CCDC171: variants seen among roughly 807,000 people sequenced by gnomAD.
The protein encoded by CCDC171 is coiled-coil domain containing 171, also known as coiled-coil domain-containing protein 171.
Under a neutral mutation model 168.2 loss-of-function variants are expected in CCDC171, and 177 were observed. The ratio of observed to expected loss-of-function variants is 1.05; its 90% confidence interval spans 0.93 to 1.19. The LOEUF (loss-of-function observed/expected upper bound fraction) is 1.19. Among genes scored for constraint, CCDC171 ranks in the 50% most tolerant of loss-of-function variants. The pLI, the probability that CCDC171 is intolerant of heterozygous loss-of-function variation, is 0.00. For missense variants in CCDC171, 1,991 were observed against 1,539.0 expected (o/e 1.29, Z -4.91); for synonymous variants, 687 against 540.8 (o/e 1.27, Z -3.75).
chr9:15,640,804 C>T (rs754694426), intron 7 of CCDC171, among the ~76,000 whole-genome samples: 1 of 152,012 alleles, frequency 6.6e-6, no homozygotes, highest in Non-Finnish European at 1.5e-5. Flanking sequence ...GCCTGTTTTA[C>T]AAATACTTAT....
In CCDC171 at chr9:15,943,538, A is replaced by G. The variant is rs545755873; in HGVS notation, c.3753+23116A>G. Among the ~76,000 whole-genome samples the G allele has an allele frequency of 5.7e-4, 87 of 152,116 alleles. 2 individuals carry two copies. Among genetic ancestry groups the G allele is most frequent in the Admixed American group, 2.8e-3 (43 of 15,242 alleles). On this transcript the variant is annotated intron_variant, in intron 25 of 25. Coordinates refer to ENST00000380701, the MANE Select transcript of CCDC171 (RefSeq NM_173550.4). The stretch of plus-strand genomic sequence containing the variant: ...GTCTAAGTATATTTTTGATTTTGCA[A>G]AGCTTGGGATCTCGAAGTCAGACAT...
chr9:15,822,666 A>T (rs1475134241), intron 21 of CCDC171, among the ~76,000 whole-genome samples: 1 of 152,242 alleles, frequency 6.6e-6, no homozygotes, highest in Non-Finnish European at 1.5e-5. Flanking sequence ...AATGGCGATC[A>T]TTAAAAAGTC....
chr9:15,777,706 C>G lies in CCDC171; in HGVS notation c.2778C>G (p.His926Gln), dbSNP rs1231604382. 1.9e-6 allele frequency: 3 copies of G among 1,613,634 alleles called. No homozygotes were observed. Among genetic ancestry groups the G allele is most frequent in the South Asian group, 2.2e-5 (2 of 91,028 alleles). Residue 926 changes from histidine to glutamine, a missense_variant, in exon 19 of 26, where the codon CAC becomes CAG. His to Gln is a conservative substitution (Grantham distance 24, BLOSUM62 0). Transcript: ENST00000380701. ...TGGTAATGGAATGTATACCTCTGCA[C>G]AGTAGCAGGAGTATTACATATGTAG... ...ISLVMECIPL[H>Q]SSRSITYVEK...
intron 6 of CCDC171, 34 bp downstream of exon 6, chr9:15,594,206 A>AT: frequency 9.0e-7 from 1 of 1,112,204 alleles, no homozygotes; most frequent in Non-Finnish European, 1.3e-6. Context: ...TTAAATATAT[A>AT]TTTTTAATGC....
chr9:15,899,477 C>G (rs1426896077), intron 24 of CCDC171, among the ~76,000 whole-genome samples: 1 of 152,182 alleles, frequency 6.6e-6, no homozygotes, highest in Non-Finnish European at 1.5e-5. Flanking sequence ...TCCAGTTTCT[C>G]TGCTTCCTCG....
intron 21 of CCDC171, among the ~76,000 whole-genome samples, chr9:15,802,209 T>C (rs2058858835): frequency 6.6e-6 from 1 of 151,808 alleles, no homozygotes; most frequent in Admixed American, 6.6e-5. Context: ...TTGAGCTTTA[T>C]TTATTTATTT....
chr9:15,838,303 G>A (rs1468931209), intron 21 of CCDC171, among the ~76,000 whole-genome samples: 3 of 152,060 alleles, frequency 2.0e-5, no homozygotes, highest in Non-Finnish European at 4.4e-5. Context: ...TTACTCACAG[G>A]TGAAATCATA....
intron 6 of CCDC171, among the ~76,000 whole-genome samples, chr9:15,601,453 A>T (rs926635476): frequency 6.6e-6 from 1 of 152,220 alleles, no homozygotes; most frequent in African/African-American, 2.4e-5. Context: ...AGGACAGTAC[A>T]ACCACGCTTT....
chr9:15,806,715 G>T (rs746641023), intron 21 of CCDC171, among the ~76,000 whole-genome samples: 1 of 151,956 alleles, frequency 6.6e-6, no homozygotes, highest in Non-Finnish European at 1.5e-5. Flanking sequence ...GGATGCTCTT[G>T]TGTAGAATCT....
rs2040891659 is a variant in CCDC171, at chr9:15,578,869, G to C, written c.198G>C (p.Gln66His). Residue 66 changes from glutamine to histidine, a missense_variant, in exon 4 of 26, where the codon CAG becomes CAC. Transcript: ENST00000380701. ...HNAELASYES[Q>H]IAKLRSEVEK... is the part of the protein sequence containing the mutation. Reference sequence around the variant, plus strand: ...TTTAGCTGGCAAGCTATGAGAGCCAGATTGCCAAGCTACGGTCCGAGGTTG... The same window carrying C: ...TTTAGCTGGCAAGCTATGAGAGCCACATTGCCAAGCTACGGTCCGAGGTTG... 1.9e-6 allele frequency: 3 copies of C among 1,613,368 alleles called. No individual in the cohort carries two copies. Among genetic ancestry groups the C allele is most frequent in the Non-Finnish European group, 2.5e-6 (3 of 1,179,754 alleles).
intron 11 of CCDC171, among the ~76,000 whole-genome samples, chr9:15,696,652 A>C (rs2051241612): frequency 6.6e-6 from 1 of 152,194 alleles, no homozygotes; most frequent in Non-Finnish European, 1.5e-5. Flanking sequence ...AGTATAGCAT[A>C]TGCCTCAATA....
the CCDC171 span, among the ~76,000 whole-genome samples, chr9:16,075,227 A>C: frequency 6.6e-6 from 1 of 152,012 alleles, no homozygotes; most frequent in South Asian, 2.1e-4. Flanking sequence ...AGAGATCCTC[A>C]TATTTCAGCA....
At chr9:15,765,994 G>A (rs544104439) in intron 18 of CCDC171, among the ~76,000 whole-genome samples, 2 of 152,090 alleles carry the variant, frequency 1.3e-5, no homozygotes, top group Admixed American at 6.5e-5. Context: ...CCTCCAGAGC[G>A]GAGGACACGT....
At chr9:15,733,548 A>T (rs1360009333) in intron 16 of CCDC171, among the ~76,000 whole-genome samples, 2 of 150,754 alleles carry the variant, frequency 1.3e-5, no homozygotes, top group African/African-American at 4.9e-5. Flanking sequence ...CCTTTATTGA[A>T]TTGCCCTTGT....
At chr9:15,722,824 A>G (rs2053569640) in intron 12 of CCDC171, among the ~76,000 whole-genome samples, 2 of 152,224 alleles carry the variant, frequency 1.3e-5, no homozygotes. Context: ...CATCGAAATA[A>G]TTAAATTTCT....
intron 18 of CCDC171, among the ~76,000 whole-genome samples, chr9:15,776,982 G>A (rs946815812): frequency 2.0e-5 from 3 of 152,286 alleles, no homozygotes; most frequent in South Asian, 2.1e-4. Flanking sequence ...TTATTAAGGC[G>A]TAAATAAACC....
chr9:16,002,763 G>T (rs1832590877), intron 3 of CCDC171, among the ~76,000 whole-genome samples: 1 of 152,174 alleles, frequency 6.6e-6, no homozygotes, highest in Non-Finnish European at 1.5e-5. Flanking sequence ...TCCATTCATG[G>T]TAAGTGCCCT....
chr9:15,948,041 G>A (rs1828641565), intron 25 of CCDC171, among the ~76,000 whole-genome samples: 1 of 147,098 alleles, frequency 6.8e-6, no homozygotes, highest in African/African-American at 2.5e-5. Context: ...TGTTCTCATT[G>A]TTCAATTCCC....
chr9:15,605,481 C>T (rs1025357895), intron 6 of CCDC171, among the ~76,000 whole-genome samples: 1 of 143,730 alleles, frequency 7.0e-6, no homozygotes, highest in African/African-American at 2.6e-5. Context: ...AGATTGAGAC[C>T]ATCCTGGCCA....
Sources: allele counts gnomAD v4.1 joint callset (sites outside exome capture counted in the v4.1 genomes callset), GRCh38; gene constraint gnomAD v4.1.1; transcripts MANE v1.5; gene names NCBI Gene and HGNC (gene_info 2026-07-23, HGNC 2026-07-21).